The following TRAPPC9 variants were observed in gnomAD, a reference collection of about 807,000 sequenced individuals.
The protein encoded by TRAPPC9 is trafficking protein particle complex subunit 9, also known as IKK2 binding protein.
Under a neutral mutation model 124.0 loss-of-function variants are expected in TRAPPC9, and 83 were observed. That is an observed-to-expected ratio of 0.67 (90% CI 0.56 to 0.80). The LOEUF (loss-of-function observed/expected upper bound fraction) is 0.80. Among genes scored for constraint, TRAPPC9 ranks in the 30% least tolerant of loss-of-function variants. The pLI is 0.00. For missense variants in TRAPPC9, 1,302 were observed against 1,508.3 expected (o/e 0.86, Z 2.27); for synonymous variants, 638 against 617.5 (o/e 1.03, Z -0.49).
chr8:140,065,965 A>G (rs1459933889), intron 17 of TRAPPC9, among the ~76,000 whole-genome samples: 1 of 152,226 alleles, frequency 6.6e-6, no homozygotes, highest in Non-Finnish European at 1.5e-5. Context: ...TGCCATAGAT[A>G]GTGATTCCTC....
chr8:139,890,863 T>A (rs1587112867), intron 20 of TRAPPC9, among the ~76,000 whole-genome samples: 1 of 151,224 alleles, frequency 6.6e-6, no homozygotes, highest in African/African-American at 2.4e-5. Context: ...TAAAAAAATT[T>A]AAAAATTTAA....
chr8:140,017,615 TGA>T, intron 18 of TRAPPC9, among the ~76,000 whole-genome samples: 1 of 152,212 alleles, frequency 6.6e-6, no homozygotes. Flanking sequence ...CATACTCTCT[TGA>T]TTATTATAGC....
intron 17 of TRAPPC9, among the ~76,000 whole-genome samples, chr8:140,117,088 A>G (rs1002432458): frequency 1.3e-5 from 2 of 152,170 alleles, no homozygotes; most frequent in African/African-American, 4.8e-5. Flanking sequence ...CCCTTGAGCC[A>G]GTGGGGTACT....
intron 13 of TRAPPC9, among the ~76,000 whole-genome samples, chr8:140,285,828 G>A (rs527350412): frequency 2.6e-5 from 4 of 152,008 alleles, no homozygotes; most frequent in South Asian, 2.1e-4. Flanking sequence ...TCGCTCCCAC[G>A]GCCACTCCAC....
chr8:140,043,056 T>C (rs774063080), intron 17 of TRAPPC9, among the ~76,000 whole-genome samples: 7 of 152,172 alleles, frequency 4.6e-5, no homozygotes, highest in Non-Finnish European at 8.8e-5. Flanking sequence ...GTCTCTTCCA[T>C]GGACATCAGC....
At chr8:140,005,176 A>G (rs567888209) in intron 18 of TRAPPC9, among the ~76,000 whole-genome samples, 4 of 152,178 alleles carry the variant, frequency 2.6e-5, no homozygotes, top group South Asian at 2.1e-4. Context: ...CTACCTATCT[A>G]CCAGATCAGG....
At chr8:140,125,510 AG>A (rs1315733719) in intron 17 of TRAPPC9, among the ~76,000 whole-genome samples, 3 of 151,342 alleles carry the variant, frequency 2.0e-5, no homozygotes, top group Non-Finnish European at 2.9e-5. Flanking sequence ...AATGGCAGCA[AG>A]GGGAAGGTGT....
chr8:140,256,411 G>A (rs1031414049), intron 15 of TRAPPC9, among the ~76,000 whole-genome samples: 3 of 152,198 alleles, frequency 2.0e-5, no homozygotes, highest in Non-Finnish European at 4.4e-5. Context: ...TCCTTCAGAA[G>A]GGTTCTGACG....
Position 139,951,156 on chromosome 8 carries a change from G to C in TRAPPC9, c.2810+37570C>G, listed in dbSNP as rs1428659653. Among the ~76,000 whole-genome samples, 3 of 152,130 alleles carry C rather than the reference G, an allele frequency of 2.0e-5. No individual in the cohort carries two copies. The East Asian group carries it at 5.8e-4, about 29-fold the overall frequency. ...AATCACCCTGACACCTCACAGAATTGGTATGGGAAGGAACAAAGCCTCTGC... is the reference window on the plus strand; with the variant it reads ...AATCACCCTGACACCTCACAGAATTCGTATGGGAAGGAACAAAGCCTCTGC... On this transcript the variant is annotated intron_variant, in intron 19 of 22. Coordinates refer to ENST00000438773, the MANE Select transcript of TRAPPC9 (RefSeq NM_001160372.4).
chr8:139,769,478 C>A (rs73362150), intron 21 of TRAPPC9, among the ~76,000 whole-genome samples: 6,704 of 152,284 alleles, frequency 0.044, 547 homozygotes, highest in African/African-American at 0.15. Context: ...CTACTCTGAG[C>A]ACTGCACAAT....
At chr8:140,272,857 C>T (rs1458540486) in intron 15 of TRAPPC9, among the ~76,000 whole-genome samples, 1 of 151,770 alleles carries the variant, frequency 6.6e-6, no homozygotes, top group African/African-American at 2.4e-5. Context: ...CCCCATGACC[C>T]AAAACCCCCC....
intron 21 of TRAPPC9, among the ~76,000 whole-genome samples, chr8:139,878,844 G>A (rs4736110): frequency 0.69 from 104,598 of 152,110 alleles, 36,238 homozygotes; most frequent in East Asian, 0.9. Context: ...AATTAGCTGC[G>A]TGTGGTTGAA....
intron 19 of TRAPPC9, among the ~76,000 whole-genome samples, chr8:139,976,005 C>T (rs1339916753): frequency 2.1e-5 from 3 of 143,346 alleles, no homozygotes; most frequent in Non-Finnish European, 4.5e-5. Flanking sequence ...CATTCTCCTG[C>T]CTCAGCCTCC....
intron 2 of TRAPPC9, among the ~76,000 whole-genome samples, chr8:140,443,653 C>T (rs2071128014): frequency 2.0e-5 from 3 of 152,124 alleles, no homozygotes; most frequent in Admixed American, 2.0e-4. Flanking sequence ...GAAATCTCAG[C>T]ACTTTGGGAA....
chr8:139,820,700 C>G (rs1825195340), intron 21 of TRAPPC9, among the ~76,000 whole-genome samples: 1 of 152,182 alleles, frequency 6.6e-6, no homozygotes, highest in African/African-American at 2.4e-5. Context: ...GGCATTAGCA[C>G]AGCAGTCTTT....
intron 17 of TRAPPC9, among the ~76,000 whole-genome samples, chr8:140,067,289 G>C (rs183532363): frequency 6.6e-6 from 1 of 152,068 alleles, no homozygotes; most frequent in African/African-American, 2.4e-5. Context: ...GACTACAGGC[G>C]TGTGCCACCA....
At chr8:140,207,484 T>C (rs950577878) in intron 17 of TRAPPC9, among the ~76,000 whole-genome samples, 2 of 152,360 alleles carry the variant, frequency 1.3e-5, no homozygotes, top group Non-Finnish European at 1.5e-5. Context: ...AATTTTCCTG[T>C]TTAGCAAGAA....
chr8:140,032,784 T>C (rs1840585401), intron 17 of TRAPPC9, among the ~76,000 whole-genome samples: 1 of 152,216 alleles, frequency 6.6e-6, no homozygotes, highest in Non-Finnish European at 1.5e-5. Context: ...AAAACAAATC[T>C]TGTCATTTTA....
intron 21 of TRAPPC9, among the ~76,000 whole-genome samples, chr8:139,798,626 C>G (rs1022332630): frequency 6.6e-6 from 1 of 152,194 alleles, no homozygotes; most frequent in African/African-American, 2.4e-5. Context: ...TGAAAGAGGT[C>G]AGCTCTGTCA....
Sources: allele counts gnomAD v4.1 joint callset (sites outside exome capture counted in the v4.1 genomes callset), GRCh38; gene constraint gnomAD v4.1.1; transcripts MANE v1.5; gene names NCBI Gene and HGNC (gene_info 2026-07-23, HGNC 2026-07-21).